The following SLC9A9 variants were observed in gnomAD, a reference collection of about 807,000 sequenced individuals.
SLC9A9 encodes the protein solute carrier family 9 member A9.
In SLC9A9, 62 loss-of-function variants were observed where a neutral mutation model predicts 77.8. The observed-to-expected ratio is 0.80, with a 90% CI of 0.65 to 0.98. The LOEUF is 0.98. Among genes scored for constraint, SLC9A9 ranks in the 50% least tolerant of loss-of-function variants. The probability of loss-of-function intolerance (pLI) is 0.00; values close to 1 mark genes in which losing one functional copy is unlikely to be tolerated. For missense variants in SLC9A9, 775 were observed against 774.9 expected, an observed-to-expected ratio of 1.00 and a Z score of 0.00; for synonymous variants, 320 against 283.5, an observed-to-expected ratio of 1.13 and a Z score of -1.29.
intron 14 of SLC9A9, among the ~76,000 whole-genome samples, chr3:143,335,032 C>T (rs1398276349): frequency 6.6e-6 from 1 of 151,690 alleles, no homozygotes; most frequent in Non-Finnish European, 1.5e-5. Context: ...ATGACATAAT[C>T]TTATATATAG....
At chr3:143,483,903 C>A (rs1008923738) in intron 11 of SLC9A9, among the ~76,000 whole-genome samples, 2 of 150,414 alleles carry the variant, frequency 1.3e-5, no homozygotes, top group Non-Finnish European at 3.0e-5. Flanking sequence ...CTCTTAAGGG[C>A]AGGGCCCTCA....
chr3:143,358,982 A>C, intron 14 of SLC9A9, among the ~76,000 whole-genome samples: 1 of 152,222 alleles, frequency 6.6e-6, no homozygotes, highest in Admixed American at 6.5e-5. Context: ...TAGGGATTTA[A>C]GTCTGCTGTG....
In SLC9A9 at chr3:143,495,338, G is replaced by C; in HGVS notation, c.1200C>G (p.Ala400=). Residue 400 remains alanine, a synonymous_variant, in exon 10 of 16, where the codon GCC becomes GCG. Coordinates refer to ENST00000316549, the MANE Select transcript of SLC9A9 (RefSeq NM_173653.4). ...TGTTCTGTATTTCAAAGGATACAAA[G>C]GCTCCAAGTATAAAAAGAGCATTAA... is the stretch of plus-strand genomic sequence containing the variant. ...HIFNALFILG[A]FLAIFVARAC... 6.2e-7 allele frequency: 1 copy of C among 1,608,664 alleles called. No homozygotes were observed. Among genetic ancestry groups the C allele is most frequent in the South Asian group, 1.1e-5 (1 of 90,968 alleles).
intron 14 of SLC9A9, among the ~76,000 whole-genome samples, chr3:143,305,510 C>G (rs2030742413): frequency 6.6e-6 from 1 of 152,188 alleles, no homozygotes; most frequent in Admixed American, 6.5e-5. Context: ...CTTAAAGTCC[C>G]AAAGGCAATA....
intron 4 of SLC9A9, among the ~76,000 whole-genome samples, chr3:143,777,591 G>A (rs977855464): frequency 2.0e-5 from 3 of 151,910 alleles, no homozygotes; most frequent in Admixed American, 6.6e-5. Context: ...TAAATGAAAT[G>A]CACCTACCAT....
At chr3:143,675,666 C>G (rs536333707) in intron 5 of SLC9A9, among the ~76,000 whole-genome samples, 1 of 152,110 alleles carries the variant, frequency 6.6e-6, no homozygotes, top group South Asian at 2.1e-4. Flanking sequence ...TGAAGATTTT[C>G]CTTTAAGATT....
intron 4 of SLC9A9, among the ~76,000 whole-genome samples, chr3:143,735,741 G>A (rs1195266426): frequency 6.6e-6 from 1 of 152,194 alleles, no homozygotes; most frequent in Non-Finnish European, 1.5e-5. Flanking sequence ...AAATTGAGTG[G>A]ATGCCTCATA....
intron 14 of SLC9A9, among the ~76,000 whole-genome samples, chr3:143,320,046 C>T (rs2031364313): frequency 6.6e-6 from 1 of 152,164 alleles, no homozygotes; most frequent in Non-Finnish European, 1.5e-5. Context: ...GAGATAGATC[C>T]CACTTAGTTC....
intron 12 of SLC9A9, among the ~76,000 whole-genome samples, chr3:143,388,937 A>C (rs991589199): frequency 5.3e-5 from 8 of 152,218 alleles, no homozygotes; most frequent in Non-Finnish European, 1.0e-4. Context: ...AATGAGTTTA[A>C]TGGTAAGAGA....
At chr3:143,528,758 A>C (rs2036451190) in intron 9 of SLC9A9, among the ~76,000 whole-genome samples, 1 of 152,068 alleles carries the variant, frequency 6.6e-6, no homozygotes, top group South Asian at 2.1e-4. Context: ...CACCTTCTAT[A>C]CATTAACTCA....
intron 9 of SLC9A9, chr3:143,518,201 C>G: frequency 6.3e-7 from 1 of 1,598,684 alleles, no homozygotes; most frequent in Non-Finnish European, 8.5e-7. Flanking sequence ...CACAAAGGCC[C>G]GAAGCTTGTT....
chr3:143,392,670 G>A (rs2033601978), intron 12 of SLC9A9, among the ~76,000 whole-genome samples: 1 of 152,286 alleles, frequency 6.6e-6, no homozygotes, highest in Middle Eastern at 3.4e-3. Flanking sequence ...TGGATAAAGA[G>A]TCAAGACCCA....
At chr3:143,723,063 A>C (rs964585412) in intron 4 of SLC9A9, among the ~76,000 whole-genome samples, 2 of 151,022 alleles carry the variant, frequency 1.3e-5, no homozygotes, top group South Asian at 2.1e-4. Flanking sequence ...TCTCCACTTC[A>C]CTCCTCCCTA....
At chr3:143,334,314 T>G (rs1028932525) in intron 14 of SLC9A9, among the ~76,000 whole-genome samples, 1 of 152,222 alleles carries the variant, frequency 6.6e-6, no homozygotes, top group African/African-American at 2.4e-5. Flanking sequence ...AGGTCTCTGA[T>G]TTTACGATCC....
intron 6 of SLC9A9, among the ~76,000 whole-genome samples, chr3:143,592,032 GGAA>G (rs2037652867): frequency 6.6e-6 from 1 of 152,188 alleles, no homozygotes; most frequent in Non-Finnish European, 1.5e-5. Flanking sequence ...GCAATTTTCT[GGAA>G]GAAGATTCCT....
At chr3:143,631,177 G>T (rs112332809) in intron 6 of SLC9A9, among the ~76,000 whole-genome samples, 1 of 152,018 alleles carries the variant, frequency 6.6e-6, no homozygotes, top group African/African-American at 2.4e-5. Context: ...AAATTAGTCC[G>T]CAAGTTACTG....
chr3:143,478,189 C>T (rs951285801), intron 11 of SLC9A9, among the ~76,000 whole-genome samples: 1 of 152,260 alleles, frequency 6.6e-6, no homozygotes, highest in Non-Finnish European at 1.5e-5. Context: ...GGGTAGCTCA[C>T]AATCCTTCCT....
rs1341680713 is a variant in SLC9A9 at position 143,763,639 on chromosome 3, C to T, written c.533+31362G>A. 3.9e-5 allele frequency among the ~76,000 whole-genome samples: 6 copies of T among 151,976 alleles called. No homozygotes were observed. In the East Asian group the frequency reaches 9.7e-4, roughly 25 times the overall value. ...TGCCAGATTTTCTTTAATATACCAA[C>T]CAGTAAGTAATTCTACTCTGCAGTC... On this transcript the variant is annotated intron_variant, in intron 4 of 15. Coordinates refer to ENST00000316549, the MANE Select transcript of SLC9A9 (RefSeq NM_173653.4).
At position 143,432,901 on chromosome 3, in the gene SLC9A9, C is replaced by G. The variant is rs2034550624; in HGVS notation, c.1469+34136G>C. 2.6e-5 allele frequency among the ~76,000 whole-genome samples: 4 copies of G among 152,340 alleles called. No homozygotes were observed. In the South Asian group the frequency reaches 8.3e-4, roughly 32 times the overall value. ...TTGGCCTTCCAAAGTGCTGGGATTA[C>G]AGGCATAAGCTACTGCGCCTGGCCT... On this transcript the variant is annotated intron_variant, in intron 12 of 15. Transcript: ENST00000316549.
Sources: gnomAD v4.1 joint callset for allele counts (sites outside exome capture counted in the v4.1 genomes callset) on GRCh38, gnomAD v4.1.1 for gene constraint, MANE v1.5 for transcripts, NCBI Gene and HGNC (gene_info 2026-07-23, HGNC 2026-07-21) for gene names.